Variants in SLCO5A1 observed in about 807,000 individuals in gnomAD.
The protein encoded by SLCO5A1 is organic anion transporter polypeptide-related protein 4.
SLCO5A1 carries 39 observed loss-of-function variants against 65.1 expected under a neutral mutation model. The ratio of observed to expected loss-of-function variants is 0.60; its 90% CI spans 0.46 to 0.78. The LOEUF is 0.78. Among genes scored for constraint, SLCO5A1 ranks in the 30% least tolerant of loss-of-function variants. The pLI is 0.00. For synonymous variants in SLCO5A1, 438 were observed against 415.7 expected (o/e 1.05, Z -0.65); for missense variants, 1,029 against 1,069.4 (o/e 0.96, Z 0.53).
At chr8:69,722,191 T>A (rs1815857447) in intron 5 of SLCO5A1, among the ~76,000 whole-genome samples, 1 of 151,918 alleles carries the variant, frequency 6.6e-6, no homozygotes, top group Non-Finnish European at 1.5e-5. Context: ...AACAAATAAA[T>A]AAAATAAAAT....
At chr8:69,818,017 G>C (rs1005741298) in intron 2 of SLCO5A1, among the ~76,000 whole-genome samples, 1 of 152,194 alleles carries the variant, frequency 6.6e-6, no homozygotes, top group Non-Finnish European at 1.5e-5. Flanking sequence ...AGAGCCTTCT[G>C]AGTCAGGAGA....
chr8:69,815,052 A>C (rs898174027), intron 2 of SLCO5A1, among the ~76,000 whole-genome samples: 4 of 152,174 alleles, frequency 2.6e-5, no homozygotes, highest in African/African-American at 9.6e-5. Context: ...AGGGTACAAA[A>C]TTTCAGGGAG....
chr8:69,761,954 C>T, intron 2 of SLCO5A1, 79 bp from the exon 3 acceptor site: 4 of 1,524,820 alleles, frequency 2.6e-6, no homozygotes, highest in East Asian at 2.3e-5. Flanking sequence ...CACTCTCATA[C>T]CACAGACATC....
chr8:69,822,508 G>C (rs1435722367), intron 2 of SLCO5A1, among the ~76,000 whole-genome samples: 1 of 152,144 alleles, frequency 6.6e-6, no homozygotes, highest in African/African-American at 2.4e-5. Flanking sequence ...CCTATACAAT[G>C]TTTTAATTTC....
At chr8:69,817,786 G>A (rs909882973) in intron 2 of SLCO5A1, among the ~76,000 whole-genome samples, 3 of 152,148 alleles carry the variant, frequency 2.0e-5, no homozygotes, top group Non-Finnish European at 4.4e-5. Flanking sequence ...TCTCCAAAAC[G>A]ATTTTCAATA....
At chr8:69,752,973 A>G (rs1318114891) in intron 4 of SLCO5A1, among the ~76,000 whole-genome samples, 1 of 152,258 alleles carries the variant, frequency 6.6e-6, no homozygotes, top group African/African-American at 2.4e-5. Context: ...CAAACTGAGC[A>G]TAGAGAAGAC....
At chr8:69,715,558 C>G (rs1249605253) in intron 5 of SLCO5A1, among the ~76,000 whole-genome samples, 1 of 152,108 alleles carries the variant, frequency 6.6e-6, no homozygotes, top group East Asian at 1.9e-4. Flanking sequence ...CTGCAAAACC[C>G]TGACAAAGCT....
rs758434274 is a variant in SLCO5A1 at position 69,705,058 on chromosome 8, C to T, written c.1595G>A (p.Gly532Glu). The change falls in exon 6 of 10, where the codon GGG (glycine) becomes GAG (glutamate). Residue 532 changes from glycine to glutamate, a missense_variant. Physicochemically the swap from Gly to Glu is moderately conservative, Grantham distance 98. Coordinates refer to ENST00000260126, the MANE Select transcript of SLCO5A1 (RefSeq NM_030958.3). ...FIVGCESINLGGINIPYTTGP... is the reference protein window; with the variant it reads ...FIVGCESINLEGINIPYTTGP... ...TGTTGTATAAGGGATGTTTATGCCC[C>T]CTAGATTAATGCTTTCACATCCAAC... 1 of 1,613,176 alleles carries T rather than the reference C, an allele frequency of 6.2e-7. No homozygotes were observed. The highest frequency in any genetic ancestry group is 1.3e-5 in the African/African-American group (1 of 74,886).
chr8:69,676,531 G>T, intron 9 of SLCO5A1, 78 bp downstream of exon 9: 1 of 1,220,276 alleles, frequency 8.2e-7, no homozygotes, highest in Non-Finnish European at 1.2e-6. Flanking sequence ...GACATGACTT[G>T]CCATTTTTAA....
Position 69,673,026 on chromosome 8 carries a change from G to C in SLCO5A1, c.2390C>G (p.Ala797Gly). The change falls in exon 10 of 10, where the codon GCT (alanine) becomes GGT (glycine). Residue 797 changes from alanine (A) to glycine (G), a missense_variant. Physicochemically the swap from Ala to Gly is moderately conservative, Grantham distance 60. This residue lies in a region of SLCO5A1 where 258 missense variants were observed against 237.4 expected (regional missense o/e 1.09). Coordinates refer to ENST00000260126, the MANE Select transcript of SLCO5A1 (RefSeq NM_030958.3). The part of the protein sequence containing the change: ...PDNARTRSCP[A>G]FSTQGEFHEE... Reference sequence around the variant, plus strand: ...GTGGAATTCTCCCTGGGTGCTGAAAGCTGGGCAAGATCTAGTCCGGGCATT... The same window carrying C: ...GTGGAATTCTCCCTGGGTGCTGAAACCTGGGCAAGATCTAGTCCGGGCATT... 1 of 1,614,218 alleles carries C rather than the reference G, an allele frequency of 6.2e-7. No homozygotes were observed. The highest frequency in any genetic ancestry group is 8.5e-7 in the Non-Finnish European group (1 of 1,180,046).
intron 2 of SLCO5A1, among the ~76,000 whole-genome samples, chr8:69,780,830 G>T (rs892103562): frequency 1.3e-5 from 2 of 151,258 alleles, no homozygotes; most frequent in African/African-American, 2.4e-5. Context: ...AAATAAAAAA[G>T]AAGCATACAG....
At chr8:69,778,118 A>G (rs1818637045) in intron 2 of SLCO5A1, among the ~76,000 whole-genome samples, 1 of 152,194 alleles carries the variant, frequency 6.6e-6, no homozygotes, top group African/African-American at 2.4e-5. Flanking sequence ...GTATGAAAAG[A>G]CAGTATATAT....
intron 2 of SLCO5A1, among the ~76,000 whole-genome samples, chr8:69,818,213 TGAAGTAG>T (rs1272171068): frequency 6.6e-6 from 1 of 152,220 alleles, no homozygotes; most frequent in Non-Finnish European, 1.5e-5. Context: ...TTTTTCCTGA[TGAAGTAG>T]AACTGCAATT....
intron 6 of SLCO5A1, among the ~76,000 whole-genome samples, chr8:69,686,004 T>G (rs114249598): frequency 0.021 from 3,202 of 152,276 alleles, 92 homozygotes; most frequent in African/African-American, 0.063. Context: ...ACAGCAATTG[T>G]GTCCCATCAC....
intron 6 of SLCO5A1, among the ~76,000 whole-genome samples, chr8:69,692,502 T>C (rs1358610063): frequency 6.6e-6 from 1 of 152,236 alleles, no homozygotes; most frequent in Non-Finnish European, 1.5e-5. Flanking sequence ...ACTATAATTT[T>C]TTTACTTTAT....
intron 2 of SLCO5A1, among the ~76,000 whole-genome samples, chr8:69,765,509 C>G (rs536899509): frequency 4.9e-4 from 75 of 152,094 alleles, no homozygotes; most frequent in African/African-American, 1.8e-3. Flanking sequence ...CTAGAAGAAG[C>G]CTTTCTGGCT....
chr8:69,703,690 A>G (rs62512236), intron 6 of SLCO5A1, among the ~76,000 whole-genome samples: 19,896 of 152,218 alleles, frequency 0.13, 1,409 homozygotes, highest in Non-Finnish European at 0.16. Context: ...TGGGTTCTGG[A>G]CAGTGGTGCA....
chr8:69,832,321 C>T lies in SLCO5A1; in HGVS notation c.353G>A (p.Arg118Lys). The T allele has an allele frequency of 6.2e-7, 1 of 1,614,238 alleles. No homozygotes were observed. Among genetic ancestry groups the T allele is most frequent in the Middle Eastern group, 1.6e-4 (1 of 6,062 alleles). The change falls in exon 2 of 10, where the codon AGG (arginine) becomes AAG (lysine). Residue 118 changes from arginine (R) to lysine (K), a missense_variant. This residue lies in a region of SLCO5A1 where 647 missense variants were observed against 647.5 expected (regional missense o/e 1.00). Transcript: ENST00000260126. This position sits in a 1 kb window ranked among gnomAD's most constrained non-coding sequence, Gnocchi z 4.5. The part of the protein sequence containing the change: ...SSALAMLQER[R>K]CLYVVLTDSR... ...ATCCGTGAGGACCACGTAGAGGCACCTTCTCTCCTGGAGCATGGCCAAGGC... is the reference window on the plus strand; with the variant it reads ...ATCCGTGAGGACCACGTAGAGGCACTTTCTCTCCTGGAGCATGGCCAAGGC...
At chr8:69,762,117 G>C (rs151032985) in intron 2 of SLCO5A1, among the ~76,000 whole-genome samples, 1 of 148,278 alleles carries the variant, frequency 6.7e-6, no homozygotes, top group Admixed American at 6.7e-5. Flanking sequence ...CTTTTGTTTT[G>C]TTTTCTTTCT....
Sources: gnomAD v4.1 joint callset for allele counts (sites outside exome capture counted in the v4.1 genomes callset) on GRCh38, gnomAD v4.1.1 for gene constraint, gnomAD v4.1.1 regional missense constraint, Gnocchi (gnomAD v3.1) non-coding constraint, MANE v1.5 for transcripts, NCBI Gene and HGNC (gene_info 2026-07-23, HGNC 2026-07-21) for gene names.